The following PTGIR variants were observed in gnomAD, a reference collection of about 807,000 sequenced individuals.
PTGIR encodes the protein prostaglandin I2 receptor.
In PTGIR, 16 loss-of-function variants were observed where a neutral mutation model predicts 17.6. That is an observed-to-expected ratio of 0.91 (90% CI 0.61 to 1.38). The LOEUF is 1.38. Among genes scored for constraint, PTGIR ranks in the 40% most tolerant of loss-of-function variants. The pLI is 0.00. For missense variants in PTGIR, 532 were observed against 548.6 expected (o/e 0.97, Z 0.30); for synonymous variants, 274 against 255.4 (o/e 1.07, Z -0.69).
rs1247665012 is a variant in PTGIR at position 46,620,616 on chromosome 19, C to CG, written c.*663_*664insC. 2 of 985,742 alleles carry CG rather than the reference C, an allele frequency of 2.0e-6. No homozygotes were observed. The highest frequency in any genetic ancestry group is 2.4e-6 in the Non-Finnish European group (2 of 830,144). 61.1% of individuals were successfully genotyped at this position (985,742 alleles called of 1,614,324 possible). A position where few individuals can be genotyped will look rare whatever the true frequency, so the allele number is the denominator to read the frequency against. ...TCTGTCTCCCCACCACCTGCACCCC[C>CG]CCAGTTCTCATCTTGCAGCCAGTCA... On this transcript the variant is annotated 3_prime_UTR_variant, in exon 3 of 3. Transcript: ENST00000291294.
downstream of PTGIR, among the ~76,000 whole-genome samples, chr19:46,619,531 AAGAAAGAAAGAAAGAAAGAGAG>A (rs1182857258): frequency 1.8e-4 from 13 of 70,554 alleles, no homozygotes; most frequent in African/African-American, 3.5e-4. Context: ...GAAAGAAAGA[AAGAAAGAAAGAAAGAAAGAGAG>A]AGAGAGAGAG....
the PTGIR span, among the ~76,000 whole-genome samples, chr19:46,612,043 G>A: frequency 5.3e-5 from 8 of 152,380 alleles, no homozygotes; most frequent in East Asian, 3.9e-4. Flanking sequence ...CGGAGCCAGC[G>A]GCGAGGGTGG....
At chr19:46,616,326 C>CTTTTTTTTTTTTTTTTT (rs1021116711), downstream of PTGIR, among the ~76,000 whole-genome samples, 71 of 66,542 alleles carry the variant, frequency 1.1e-3, 13 homozygotes, top group African/African-American at 4.6e-3. Flanking sequence ...GACAGAAATG[C>CTTTTTTTTTTTTTTTTT]TTTTTTTTTT....
downstream of PTGIR, among the ~76,000 whole-genome samples, chr19:46,615,478 C>G (rs544457351): frequency 1.3e-5 from 2 of 152,214 alleles, no homozygotes; most frequent in East Asian, 3.9e-4. Context: ...CTTAGTACGG[C>G]TTGTGATTTT....
In PTGIR at chr19:46,621,268, C is replaced by T; in HGVS notation, c.*12G>A. ...GAAGACAGGGCAGAGATCACAGGGTCAGCTTGAAATGTCAGCAGAGGGAGC... is the reference window on the plus strand; with the variant it reads ...GAAGACAGGGCAGAGATCACAGGGTTAGCTTGAAATGTCAGCAGAGGGAGC... On this transcript the variant is annotated 3_prime_UTR_variant, in exon 3 of 3. Transcript: ENST00000291294. The surrounding 1 kb of genome is among the most constrained non-coding windows in gnomAD (Gnocchi z 4.8). 6.7e-7 allele frequency: 1 copy of T among 1,501,140 alleles called. No individual in the cohort carries two copies. Among genetic ancestry groups the T allele is most frequent in the Non-Finnish European group, 8.9e-7 (1 of 1,123,918 alleles). The allele number at this position is 1,501,140 out of a possible 1,614,324, so 93.0% of individuals were successfully genotyped here.
chr19:46,613,341 T>G, the PTGIR span, among the ~76,000 whole-genome samples: 2 of 124,074 alleles, frequency 1.6e-5, no homozygotes, highest in Non-Finnish European at 1.7e-5. Flanking sequence ...TCTTTTCGCC[T>G]CCCCCTACCC....
chr19:46,620,910 T>A lies in PTGIR; in HGVS notation c.*370A>T, dbSNP rs1256741286. The A allele has an allele frequency of 2.0e-6, 2 of 1,002,118 alleles. No individual in the cohort carries two copies. The highest frequency in any genetic ancestry group is 2.0e-4 in the East Asian group (2 of 9,930). 62.1% of individuals were successfully genotyped at this position (1,002,118 alleles called of 1,614,324 possible). A position where few individuals can be genotyped will look rare whatever the true frequency, so the allele number is the denominator to read the frequency against. On this transcript the variant is annotated 3_prime_UTR_variant, in exon 3 of 3. Transcript: ENST00000291294. ...GGGGTGGGCAGTTGGGCCTCCTAAG[T>A]GGACGCAGATTGGAGCCAGCACCCA...
chr19:46,616,790 G>A (rs1332495049), downstream of PTGIR, among the ~76,000 whole-genome samples: 1 of 152,184 alleles, frequency 6.6e-6, no homozygotes, highest in African/African-American at 2.4e-5. Context: ...TGAGCTACGG[G>A]AGGGCAGGGC....
At chr19:46,623,163 T>G in intron 2 of PTGIR, 1 of 231,494 alleles carries the variant, frequency 4.3e-6, no homozygotes, top group African/African-American at 2.3e-5. Flanking sequence ...TATTTATTTA[T>G]TTGTTGTATT....
the PTGIR span, among the ~76,000 whole-genome samples, chr19:46,611,641 A>T: frequency 6.6e-6 from 1 of 152,192 alleles, no homozygotes; most frequent in Admixed American, 6.5e-5. Context: ...GCCCAGTGGC[A>T]CATTCCTGTA....
chr19:46,613,574 C>T, the PTGIR span, among the ~76,000 whole-genome samples: 1 of 152,064 alleles, frequency 6.6e-6, no homozygotes, highest in Non-Finnish European at 1.5e-5. Context: ...TCAGGCAGTC[C>T]GCCCGCCTCG....
downstream of PTGIR, among the ~76,000 whole-genome samples, chr19:46,617,948 C>A (rs1053614880): frequency 6.6e-6 from 1 of 151,188 alleles, no homozygotes; most frequent in South Asian, 2.1e-4. Flanking sequence ...AAGCAATTCT[C>A]GTGCCTCAGC....
chr19:46,617,736 C>T (rs1971982601), downstream of PTGIR, among the ~76,000 whole-genome samples: 1 of 152,128 alleles, frequency 6.6e-6, no homozygotes, highest in Admixed American at 6.5e-5. Context: ...TCCTCACCAT[C>T]CTCTGTTGGG....
chr19:46,624,332 G>T, intron 1 of PTGIR, 95 bp from the exon 2 acceptor site: 2 of 1,239,502 alleles, frequency 1.6e-6, no homozygotes, highest in Non-Finnish European at 2.1e-6. Flanking sequence ...CCTTTTGGCA[G>T]CTGGGGCCTC....
Position 46,620,616 on chromosome 19 carries a change from C to CT in PTGIR, c.*663_*664insA. The CT allele has an allele frequency of 1.0e-6, 1 of 985,860 alleles. No homozygotes were observed. Among genetic ancestry groups the CT allele is most frequent in the Non-Finnish European group, 1.2e-6 (1 of 830,136 alleles). The allele number at this position is 985,860 out of a possible 1,614,324, so 61.1% of individuals were successfully genotyped here. On this transcript the variant is annotated 3_prime_UTR_variant, in exon 3 of 3. Coordinates refer to ENST00000291294, the MANE Select transcript of PTGIR (RefSeq NM_000960.4). Reference sequence around the variant, plus strand: ...TCTGTCTCCCCACCACCTGCACCCCCCCAGTTCTCATCTTGCAGCCAGTCA... The same window carrying CT: ...TCTGTCTCCCCACCACCTGCACCCCCTCCAGTTCTCATCTTGCAGCCAGTCA...
chr19:46,618,891 G>A (rs140132609), downstream of PTGIR, among the ~76,000 whole-genome samples: 87 of 152,262 alleles, frequency 5.7e-4, no homozygotes, highest in African/African-American at 2.0e-3. Context: ...CAAAACACCC[G>A]AACCAGAGCC....
At chr19:46,613,125 C>T in the PTGIR span, among the ~76,000 whole-genome samples, 1 of 138,208 alleles carries the variant, frequency 7.2e-6, no homozygotes, top group Admixed American at 8.1e-5. Context: ...TTCACTGCAA[C>T]CTCTGCCTCC....
downstream of PTGIR, among the ~76,000 whole-genome samples, chr19:46,619,633 GAAAGAAAGAAAGAAAGAAAGA>G (rs1972026509): frequency 7.3e-6 from 1 of 137,752 alleles, no homozygotes; most frequent in African/African-American, 2.9e-5. Flanking sequence ...AAGAAAGAAA[GAAAGAAAGAAAGAAAGAAAGA>G]AAAGAAAGAA....
chr19:46,614,633 T>C, the PTGIR span, among the ~76,000 whole-genome samples: 3 of 152,070 alleles, frequency 2.0e-5, no homozygotes, highest in Non-Finnish European at 4.4e-5. Context: ...TCCCAGCACT[T>C]TGGGAGGCTG....
Sources: gnomAD v4.1 joint callset for allele counts (sites outside exome capture counted in the v4.1 genomes callset) on GRCh38, gnomAD v4.1.1 for gene constraint, Gnocchi (gnomAD v3.1) non-coding constraint, MANE v1.5 for transcripts, NCBI Gene and HGNC (gene_info 2026-07-23, HGNC 2026-07-21) for gene names.